The following TCF12 variants were observed in gnomAD, a reference collection of about 807,000 sequenced individuals.
The protein encoded by TCF12 is DNA-binding protein HTF4.
Under a neutral mutation model 86.0 loss-of-function variants are expected in TCF12, and 45 were observed. That is an observed-to-expected ratio of 0.52 (90% CI 0.41 to 0.67). TCF12 has a LOEUF of 0.67. Among genes scored for constraint, TCF12 ranks in the 30% least tolerant of loss-of-function variants. The pLI is 0.00. For synonymous variants in TCF12, 330 were observed against 299.6 expected (o/e 1.10, Z -1.05); for missense variants, 881 against 859.9 (o/e 1.02, Z -0.31).
intron 3 of TCF12, among the ~76,000 whole-genome samples, chr15:57,001,792 G>A (rs956323070): frequency 6.6e-6 from 1 of 152,052 alleles, no homozygotes; most frequent in Non-Finnish European, 1.5e-5. Context: ...TCCTAGTTCT[G>A]CCTGCTTCCA....
At chr15:57,153,508 A>G (rs1481055167) in intron 5 of TCF12, among the ~76,000 whole-genome samples, 2 of 152,188 alleles carry the variant, frequency 1.3e-5, no homozygotes, top group Admixed American at 6.5e-5. Flanking sequence ...TATAAAAGAC[A>G]TACGTTTCAT....
intron 3 of TCF12, among the ~76,000 whole-genome samples, chr15:56,933,507 A>T (rs557905651): frequency 9.2e-5 from 14 of 152,252 alleles, no homozygotes; most frequent in Non-Finnish European, 1.6e-4. Context: ...CAGTTTGGAG[A>T]TTCGAAGTCT....
At chr15:56,933,510 C>T (rs903748582) in intron 3 of TCF12, among the ~76,000 whole-genome samples, 3 of 152,038 alleles carry the variant, frequency 2.0e-5, no homozygotes, top group African/African-American at 4.8e-5. Context: ...TTTGGAGATT[C>T]GAAGTCTTGC....
chr15:56,946,356 C>T (rs1353461352), intron 3 of TCF12, among the ~76,000 whole-genome samples: 1 of 152,180 alleles, frequency 6.6e-6, no homozygotes, highest in South Asian at 2.1e-4. Flanking sequence ...ATCTTTTCTT[C>T]TGCAGTGTCT....
intron 5 of TCF12, among the ~76,000 whole-genome samples, chr15:57,124,882 C>T (rs1296778049): frequency 5.9e-5 from 2 of 33,814 alleles, no homozygotes; most frequent in Non-Finnish European, 1.3e-4. Context: ...GGCGTTTCAC[C>T]GTGTCAGTCT....
intron 5 of TCF12, among the ~76,000 whole-genome samples, chr15:57,155,309 T>C (rs2054037963): frequency 6.6e-6 from 1 of 152,208 alleles, no homozygotes; most frequent in Non-Finnish European, 1.5e-5. Flanking sequence ...AATGAGTTAA[T>C]ATGTAAGATT....
intron 5 of TCF12, among the ~76,000 whole-genome samples, chr15:57,096,194 G>A (rs1346255530): frequency 6.6e-6 from 1 of 152,114 alleles, no homozygotes; most frequent in Non-Finnish European, 1.5e-5. Context: ...GGACACCATT[G>A]CGTATCAGTT....
intron 5 of TCF12, among the ~76,000 whole-genome samples, chr15:57,112,140 T>C (rs2050534846): frequency 6.6e-6 from 1 of 152,172 alleles, no homozygotes; most frequent in Admixed American, 6.5e-5. Flanking sequence ...CTCAAAACTT[T>C]TTAGTCCAGA....
At chr15:56,994,201 A>G (rs1315821976) in intron 3 of TCF12, among the ~76,000 whole-genome samples, 2 of 152,200 alleles carry the variant, frequency 1.3e-5, no homozygotes, top group Non-Finnish European at 2.9e-5. Context: ...ACATTAGAGA[A>G]GAAAGAATTT....
At chr15:57,003,337 T>C (rs560036074) in intron 3 of TCF12, among the ~76,000 whole-genome samples, 39 of 152,350 alleles carry the variant, frequency 2.6e-4, no homozygotes, top group African/African-American at 9.1e-4. Flanking sequence ...ACATGTTTTA[T>C]GTGTGTTTCT....
intron 3 of TCF12, among the ~76,000 whole-genome samples, chr15:56,962,796 A>G (rs1482289621): frequency 1.3e-5 from 2 of 152,208 alleles, no homozygotes; most frequent in African/African-American, 4.8e-5. Context: ...ATTTAGAATG[A>G]TAATGTGAAC....
intron 13 of TCF12, among the ~76,000 whole-genome samples, chr15:57,250,550 G>A (rs1290495319): frequency 2.0e-5 from 3 of 152,090 alleles, no homozygotes; most frequent in African/African-American, 7.2e-5. Flanking sequence ...CCAACGTAGT[G>A]AAACGTTGTC....
chr15:57,063,144 C>G (rs1361797036), intron 3 of TCF12, among the ~76,000 whole-genome samples: 1 of 152,162 alleles, frequency 6.6e-6, no homozygotes, highest in Non-Finnish European at 1.5e-5. Context: ...TATTTGAAAT[C>G]AAATTGTGTA....
chr15:57,124,624 C>T (rs1405241977), intron 5 of TCF12, among the ~76,000 whole-genome samples: 1 of 152,166 alleles, frequency 6.6e-6, no homozygotes, highest in Non-Finnish European at 1.5e-5. Context: ...AATATCCTGT[C>T]AGTGCACTAA....
intron 3 of TCF12, among the ~76,000 whole-genome samples, chr15:56,939,146 C>T (rs1374218286): frequency 2.0e-5 from 3 of 152,118 alleles, no homozygotes; most frequent in Non-Finnish European, 1.5e-5. Flanking sequence ...GAAATCTTCC[C>T]CAGCCTTTTC....
intron 3 of TCF12, among the ~76,000 whole-genome samples, chr15:56,976,224 CTTTTTTT>C (rs35959497): frequency 3.0e-3 from 175 of 57,392 alleles, no homozygotes; most frequent in African/African-American, 0.011. Context: ...AAGGAAGTTT[CTTTTTTT>C]TTTTTTTTTT....
intron 3 of TCF12, among the ~76,000 whole-genome samples, chr15:56,977,580 G>C (rs1185958256): frequency 3.4e-5 from 5 of 147,410 alleles, no homozygotes; most frequent in Admixed American, 6.7e-5. Context: ...TGTGTGGAGA[G>C]AGAGAGACAC....
chr15:57,064,795 C>CAAAAAAAAAAAAAAAAAAAAAAAAAAAAA (rs1177544594), intron 4 of TCF12, among the ~76,000 whole-genome samples: 2 of 78,060 alleles, frequency 2.6e-5, no homozygotes, highest in African/African-American at 7.3e-5. Context: ...GACTCCATCT[C>CAAAAAAAAAAAAAAAAAAAAAAAAAAAAA]AAAAAAAAAA....
chr15:57,080,401 T>C (rs2070524451), intron 4 of TCF12, among the ~76,000 whole-genome samples: 1 of 152,212 alleles, frequency 6.6e-6, no homozygotes, highest in African/African-American at 2.4e-5. Flanking sequence ...TTGCCGGTTC[T>C]TTGTTGGATT....
Sources: allele counts gnomAD v4.1 joint callset (sites outside exome capture counted in the v4.1 genomes callset), GRCh38; gene constraint gnomAD v4.1.1; transcripts MANE v1.5; gene names NCBI Gene and HGNC (gene_info 2026-07-23, HGNC 2026-07-21).